CAPN11: variants seen among roughly 807,000 people sequenced by gnomAD.
The protein encoded by CAPN11 is calpain 11.
A neutral mutation model predicts 105.3 loss-of-function variants in CAPN11; 108 were observed. That is an observed-to-expected ratio of 1.03 (90% CI 0.88 to 1.20). The LOEUF (loss-of-function observed/expected upper bound fraction) is 1.20. Ranked by LOEUF, CAPN11 falls within the 50% of genes most tolerant of loss-of-function variation. CAPN11 has a pLI of 0.00. For synonymous variants in CAPN11, 329 were observed against 344.5 expected (o/e 0.96, Z 0.50); for missense variants, 883 against 924.8 (o/e 0.95, Z 0.59).
At position 44,180,632 on chromosome 6, in the gene CAPN11, C is replaced by T. The variant is rs1231050712; in HGVS notation, c.1716C>T (p.Phe572=). Residue 572 remains phenylalanine, a synonymous_variant, in exon 16 of 23, where the codon TTC becomes TTT. Transcript: ENST00000398776. The part of the protein sequence containing the change: ...KVSEDDMDQD[F]LHLFKIVAGE... ...CTGAGGATGACATGGACCAGGACTT[C>T]CTACATTTGTTTAAGATAGTGGCAG... is the stretch of plus-strand genomic sequence containing the variant. The T allele has an allele frequency of 1.2e-6, 2 of 1,613,672 alleles. No homozygotes were observed. Among genetic ancestry groups the T allele is most frequent in the Non-Finnish European group, 1.7e-6 (2 of 1,179,850 alleles).
chr6:44,170,361 C>T (rs1338209196), intron 4 of CAPN11, among the ~76,000 whole-genome samples: 1 of 152,142 alleles, frequency 6.6e-6, no homozygotes, highest in African/African-American at 2.4e-5. Flanking sequence ...ACAGTCAAGA[C>T]GTCTGCAACC....
chr6:44,164,200 C>CT (rs1415595368), intron 1 of CAPN11, among the ~76,000 whole-genome samples: 12 of 152,110 alleles, frequency 7.9e-5, no homozygotes, highest in African/African-American at 2.9e-4. Flanking sequence ...TGAACACTTA[C>CT]TATGTACTCA....
In CAPN11 at chr6:44,179,943, T is replaced by G. The variant is rs1376816088; in HGVS notation, c.1429-9T>G. ...GCCAGTCCTGTACCCACTTCCAGGATGCATATAGTTTCAGAACATTCAGGA... is the reference window on the plus strand; with the variant it reads ...GCCAGTCCTGTACCCACTTCCAGGAGGCATATAGTTTCAGAACATTCAGGA... On this transcript the variant is annotated splice_polypyrimidine_tract_variant and intron_variant, in intron 13 of 22. Transcript: ENST00000398776. The G allele has an allele frequency of 6.2e-7, 1 of 1,600,400 alleles. No homozygotes were observed. Among genetic ancestry groups the G allele is most frequent in the Admixed American group, 1.7e-5 (1 of 59,960 alleles).
chr6:44,181,088 C>T, intron 18 of CAPN11, 91 bp downstream of exon 18: 10 of 1,278,752 alleles, frequency 7.8e-6, no homozygotes, highest in Non-Finnish European at 1.0e-5. Context: ...CGTCCTCCTC[C>T]CTGATGGGGA....
At chr6:44,167,965 C>T (rs1047881609) in intron 2 of CAPN11, among the ~76,000 whole-genome samples, 2 of 151,718 alleles carry the variant, frequency 1.3e-5, no homozygotes, top group African/African-American at 4.8e-5. Flanking sequence ...AAGTACAATT[C>T]CAGCTGGGTG....
chr6:44,171,886 TG>T (rs1441079620), intron 4 of CAPN11, among the ~76,000 whole-genome samples: 1 of 152,108 alleles, frequency 6.6e-6, no homozygotes, highest in Admixed American at 6.5e-5. Flanking sequence ...GCCAACATGG[TG>T]AAACCCCATC....
At chr6:44,180,523 G>C in intron 15 of CAPN11, 24 bp downstream of exon 15, 2 of 1,613,880 alleles carry the variant, frequency 1.2e-6, no homozygotes, top group Non-Finnish European at 1.7e-6. Flanking sequence ...GTAGGGCTGG[G>C]GGTTGGAAGG....
At chr6:44,181,150 G>A (rs903736647) in intron 18 of CAPN11, 102 bp from the exon 19 acceptor site, 37 of 1,232,878 alleles carry the variant, frequency 3.0e-5, no homozygotes, top group South Asian at 1.1e-4. Flanking sequence ...CTACAGTACC[G>A]GAACCCCAGG....
chr6:44,170,258 A>G (rs1770737358), intron 4 of CAPN11, among the ~76,000 whole-genome samples: 1 of 148,850 alleles, frequency 6.7e-6, no homozygotes, highest in South Asian at 2.2e-4. Context: ...TTAGCAACTT[A>G]AAAAAAAAAT....
intron 13 of CAPN11, 55 bp from the exon 14 acceptor site, chr6:44,179,897 C>T: frequency 1.4e-6 from 2 of 1,406,758 alleles, no homozygotes. Flanking sequence ...CCTGGGGGAC[C>T]CTCCCTCCCT....
intron 12 of CAPN11, among the ~76,000 whole-genome samples, chr6:44,178,311 A>C (rs1582882902): frequency 6.6e-6 from 1 of 151,812 alleles, no homozygotes; most frequent in South Asian, 2.1e-4. Flanking sequence ...ACTTCTCCAC[A>C]CGCCCCGCCC....
chr6:44,175,988 G>A (rs772030533), intron 7 of CAPN11, 80 bp from the exon 8 acceptor site: 23 of 828,522 alleles, frequency 2.8e-5, no homozygotes, highest in African/African-American at 5.0e-5. Context: ...TGGAGAGCTC[G>A]CCCCTTCCTT....
intron 1 of CAPN11, among the ~76,000 whole-genome samples, chr6:44,164,897 T>C (rs907061125): frequency 9.2e-5 from 14 of 152,106 alleles, no homozygotes; most frequent in Non-Finnish European, 2.1e-4. Context: ...TATTTATTTA[T>C]TTATTTTTGA....
rs112486055 is a variant in CAPN11 at position 44,164,060 on chromosome 6, G to C, written c.17-2698G>C. On this transcript the variant is annotated intron_variant, in intron 1 of 22. Coordinates refer to ENST00000398776, the MANE Select transcript of CAPN11 (RefSeq NM_007058.4). ...GGGTCTCACCATGTTCCCCTTGCTG[G>C]TCTCGTGAGGCTGAGGAGGGAGGAT... 8.7e-3 allele frequency among the ~76,000 whole-genome samples: 1,325 copies of C among 152,080 alleles called. 22 individuals carry two copies. Among genetic ancestry groups the C allele is most frequent in the African/African-American group, 0.03 (1,232 of 41,456 alleles).
intron 4 of CAPN11, 38 bp from the exon 5 acceptor site, chr6:44,172,264 G>A (rs997911041): frequency 2.6e-5 from 37 of 1,408,068 alleles, no homozygotes; most frequent in Non-Finnish European, 3.3e-5. Context: ...CACATATGGG[G>A]TTGCTCAGGG....
chr6:44,181,416 CCACACA>C lies in CAPN11; in HGVS notation c.1938+108_1938+113del, dbSNP rs143990221. ...GGGGAAGCTAGAACCCAAGCCCTAA[CCACACA>C]CACACACACACCCAACCACACCACA... On this transcript the variant is annotated intron_variant, in intron 19 of 22. Coordinates refer to ENST00000398776, the MANE Select transcript of CAPN11 (RefSeq NM_007058.4). 2.8e-3 allele frequency: 950 copies of C among 335,100 alleles called. 237 individuals are homozygous for C. Among genetic ancestry groups the C allele is most frequent in the South Asian group, 5.7e-3 (227 of 39,532 alleles). 20.8% of individuals were successfully genotyped at this position (335,100 alleles called of 1,614,324 possible). A position where few individuals can be genotyped will look rare whatever the true frequency, so the allele number is the denominator to read the frequency against.
chr6:44,172,530 G>A, intron 5 of CAPN11, 110 bp downstream of exon 5: 3 of 668,642 alleles, frequency 4.5e-6, no homozygotes, highest in East Asian at 2.9e-5. Flanking sequence ...TATTAGGGTG[G>A]GTTTTGGACT....
intron 1 of CAPN11, among the ~76,000 whole-genome samples, chr6:44,160,617 A>G (rs1385517941): frequency 6.7e-6 from 1 of 149,176 alleles, no homozygotes; most frequent in Non-Finnish European, 1.5e-5. Context: ...ACTCCGCCTC[A>G]AAAAAAACCT....
intron 5 of CAPN11, 51 bp from the exon 6 acceptor site, chr6:44,172,889 G>T: frequency 6.3e-7 from 1 of 1,591,394 alleles, no homozygotes. Flanking sequence ...CCACTAGGAG[G>T]CGCTTGATGA....
Sources: allele counts gnomAD v4.1 joint callset (sites outside exome capture counted in the v4.1 genomes callset), GRCh38; gene constraint gnomAD v4.1.1; transcripts MANE v1.5; gene names NCBI Gene and HGNC (gene_info 2026-07-23, HGNC 2026-07-21).